The following VPS13D variants were observed in gnomAD, a reference collection of about 807,000 sequenced individuals.
The protein encoded by VPS13D is intermembrane lipid transfer protein VPS13D.
VPS13D carries 187 observed loss-of-function variants against 461.9 expected under a neutral mutation model. The observed-to-expected ratio is 0.40, with a 90% CI of 0.36 to 0.46. The LOEUF (loss-of-function observed/expected upper bound fraction) is 0.46, where lower values mean the gene tolerates loss of function less well. Among genes scored for constraint, VPS13D ranks in the 20% least tolerant of loss-of-function variants. The pLI, the probability that VPS13D is intolerant of heterozygous loss-of-function variation, is 0.60. For missense variants in VPS13D, 4,711 were observed against 5,364.9 expected (o/e 0.88, Z 3.81); for synonymous variants, 1,951 against 1,986.3 (o/e 0.98, Z 0.47).
chr1:12,240,942 T>C (rs543359274), intron 2 of VPS13D, among the ~76,000 whole-genome samples: 48 of 152,190 alleles, frequency 3.2e-4, no homozygotes, highest in Non-Finnish European at 5.9e-4. Flanking sequence ...TCTTTTTTTT[T>C]CCCTTTTTCT....
intron 7 of VPS13D, among the ~76,000 whole-genome samples, chr1:12,255,783 C>T (rs902421876): frequency 2.7e-5 from 4 of 149,738 alleles, no homozygotes; most frequent in African/African-American, 7.4e-5. Flanking sequence ...CCCAGCTACT[C>T]GAGAGGCAGA....
At chr1:12,409,084 CGT>C (rs144648650) in intron 63 of VPS13D, among the ~76,000 whole-genome samples, 11 of 150,400 alleles carry the variant, frequency 7.3e-5, no homozygotes, top group Admixed American at 2.0e-4. Flanking sequence ...TTGCTTTTGG[CGT>C]GTGTGTGTGT....
At chr1:12,285,990 TTCCTCTCCTC>T (rs1332549731) in intron 21 of VPS13D, among the ~76,000 whole-genome samples, 9 of 49,492 alleles carry the variant, frequency 1.8e-4, no homozygotes, top group African/African-American at 6.2e-4. Context: ...TTCCTTTCCT[TTCCTCTCCTC>T]TCCTCTCCTC....
chr1:12,268,158 C>T (rs922023793), intron 15 of VPS13D, among the ~76,000 whole-genome samples: 11 of 150,780 alleles, frequency 7.3e-5, no homozygotes, highest in Admixed American at 7.3e-4. Flanking sequence ...CTTTGTTGTC[C>T]AGGCTGGTCT....
At chr1:12,451,267 G>A (rs1482652565) in intron 65 of VPS13D, among the ~76,000 whole-genome samples, 1 of 152,222 alleles carries the variant, frequency 6.6e-6, no homozygotes, top group Non-Finnish European at 1.5e-5. Context: ...TTGGGAAGGA[G>A]GGTGTTGACA....
chr1:12,301,355 C>A (rs532651329), intron 25 of VPS13D, among the ~76,000 whole-genome samples: 13 of 152,310 alleles, frequency 8.5e-5, no homozygotes, highest in African/African-American at 2.4e-4. Flanking sequence ...GACAGACTAG[C>A]TATAAGCTTG....
chr1:12,289,363 G>A (rs1442615908), intron 22 of VPS13D, among the ~76,000 whole-genome samples: 5 of 152,206 alleles, frequency 3.3e-5, no homozygotes, highest in Admixed American at 2.0e-4. Flanking sequence ...GATTACAGGC[G>A]TGAGCCACCG....
chr1:12,346,943 G>A (rs1389031774), intron 44 of VPS13D, among the ~76,000 whole-genome samples: 1 of 152,112 alleles, frequency 6.6e-6, no homozygotes, highest in South Asian at 2.1e-4. Flanking sequence ...AATGAACCCT[G>A]GTATGACCAT....
At chr1:12,431,608 A>G (rs951227534) in intron 65 of VPS13D, among the ~76,000 whole-genome samples, 3 of 151,786 alleles carry the variant, frequency 2.0e-5, no homozygotes, top group East Asian at 3.9e-4. Context: ...CTCCCATACT[A>G]TACTGAGTTC....
At chr1:12,443,673 ATT>A (rs112055394) in intron 65 of VPS13D, among the ~76,000 whole-genome samples, 1 of 146,320 alleles carries the variant, frequency 6.8e-6, no homozygotes, top group African/African-American at 2.5e-5. Flanking sequence ...ACAAAACATG[ATT>A]TTTTTTTTTG....
At chr1:12,405,960 C>A (rs746542373) in intron 63 of VPS13D, among the ~76,000 whole-genome samples, 93 of 152,264 alleles carry the variant, frequency 6.1e-4, no homozygotes, top group African/African-American at 2.0e-3. Flanking sequence ...TAGCTCCAGC[C>A]CCCCCCAGTT....
intron 67 of VPS13D, among the ~76,000 whole-genome samples, chr1:12,482,916 A>G (rs923656783): frequency 2.0e-5 from 3 of 152,096 alleles, no homozygotes; most frequent in Admixed American, 6.6e-5. Context: ...TTTAACATTT[A>G]CATAATATTA....
At chr1:12,441,472 G>C (rs1280438146) in intron 65 of VPS13D, among the ~76,000 whole-genome samples, 1 of 152,136 alleles carries the variant, frequency 6.6e-6, no homozygotes, top group African/African-American at 2.4e-5. Context: ...ATGAACAAAT[G>C]GTCACACAAC....
chr1:12,380,235 A>G (rs183116699), intron 57 of VPS13D, among the ~76,000 whole-genome samples: 101 of 152,188 alleles, frequency 6.6e-4, no homozygotes, highest in African/African-American at 2.4e-3. Context: ...AAAATTACCT[A>G]TGTAATTTTA....
chr1:12,474,517 C>T (rs144508862), intron 67 of VPS13D, among the ~76,000 whole-genome samples: 23 of 151,992 alleles, frequency 1.5e-4, no homozygotes, highest in African/African-American at 2.9e-4. Flanking sequence ...CAGGGCTAAG[C>T]GTTTAAGAGG....
Position 12,342,782 on chromosome 1 carries a change from A to T in VPS13D, c.8733-117A>T, listed in dbSNP as rs139791517. On this transcript the variant is annotated intron_variant, in intron 41 of 69. Coordinates refer to ENST00000620676, the MANE Select transcript of VPS13D (RefSeq NM_015378.4). The stretch of plus-strand genomic sequence containing the variant: ...GTCATTCTTTGTAGCTAGGTCATGC[A>T]GCCTTTTATTGCTGGGAATTGAGTT... 8.8e-5 allele frequency: 108 copies of T among 1,231,470 alleles called. No individual in the cohort carries two copies. In the African/African-American group the frequency reaches 1.2e-3, roughly 14 times the overall value. The allele number at this position is 1,231,470 out of a possible 1,614,324, so 76.3% of individuals were successfully genotyped here.
At chr1:12,231,214 T>C (rs1639963811) in intron 1 of VPS13D, among the ~76,000 whole-genome samples, 1 of 152,222 alleles carries the variant, frequency 6.6e-6, no homozygotes, top group South Asian at 2.1e-4. Context: ...TTAGTGCCAG[T>C]GCCAGGCAGC....
intron 14 of VPS13D, among the ~76,000 whole-genome samples, chr1:12,267,642 A>G (rs1056569663): frequency 3.3e-5 from 5 of 152,202 alleles, no homozygotes; most frequent in African/African-American, 7.2e-5. Flanking sequence ...GCATATTGTC[A>G]GTACAAAGGA....
chr1:12,504,803 T>TA (rs1349276261), intron 68 of VPS13D, among the ~76,000 whole-genome samples: 1 of 152,198 alleles, frequency 6.6e-6, no homozygotes, highest in East Asian at 1.9e-4. Context: ...TGAAAGCCTA[T>TA]AGAAGTGTTC....
Sources: allele counts gnomAD v4.1 joint callset (sites outside exome capture counted in the v4.1 genomes callset), GRCh38; gene constraint gnomAD v4.1.1; transcripts MANE v1.5; gene names NCBI Gene and HGNC (gene_info 2026-07-23, HGNC 2026-07-21).